The following FOXP2 variants were observed in gnomAD, a reference collection of about 807,000 sequenced individuals.
FOXP2 encodes forkhead box P2, also known as forkhead box protein P2.
FOXP2 carries 12 observed loss-of-function variants against 115.8 expected under a neutral mutation model. The ratio of observed to expected loss-of-function variants is 0.10; its 90% CI spans 0.07 to 0.17. FOXP2 has a LOEUF of 0.17. Among genes scored for constraint, FOXP2 ranks in the 10% least tolerant of loss-of-function variants. The probability of loss-of-function intolerance (pLI) is 1.00; values close to 1 mark genes in which losing one functional copy is unlikely to be tolerated. For synonymous variants in FOXP2, 328 were observed against 297.7 expected (o/e 1.10, Z -1.05); for missense variants, 629 against 843.5 (o/e 0.75, Z 3.15).
intron 2 of FOXP2, among the ~76,000 whole-genome samples, chr7:114,526,754 C>T (rs567821931): frequency 4.6e-5 from 7 of 152,152 alleles, no homozygotes; most frequent in Admixed American, 1.3e-4. Context: ...ATCATTCATC[C>T]TGTCCTCTCA....
At chr7:114,638,838 TA>T (rs549771953) in intron 6 of FOXP2, among the ~76,000 whole-genome samples, 407 of 152,316 alleles carry the variant, frequency 2.7e-3, no homozygotes, top group Non-Finnish European at 4.3e-3. Flanking sequence ...TGACTTCTTT[TA>T]TTCTCTGCCT....
chr7:114,511,626 C>T (rs1384345247), intron 2 of FOXP2, among the ~76,000 whole-genome samples: 1 of 151,984 alleles, frequency 6.6e-6, no homozygotes, highest in Non-Finnish European at 1.5e-5. Context: ...GAGGTAATGG[C>T]TAGACAGTTA....
intron 1 of FOXP2, among the ~76,000 whole-genome samples, chr7:114,152,464 TA>T (rs750301208): frequency 2.6e-5 from 4 of 152,170 alleles, no homozygotes; most frequent in Non-Finnish European, 5.9e-5. Context: ...CTGTTGCAAA[TA>T]AATCTCTTTT....
At chr7:114,132,404 G>A (rs1211217961) in intron 1 of FOXP2, among the ~76,000 whole-genome samples, 3 of 151,768 alleles carry the variant, frequency 2.0e-5, no homozygotes, top group African/African-American at 7.3e-5. Flanking sequence ...ATACAGCAGA[G>A]AACAAAACAT....
intron 2 of FOXP2, chr7:114,463,080 G>A (rs1168815369): frequency 7.0e-6 from 3 of 430,910 alleles, no homozygotes; most frequent in South Asian, 1.7e-5. Flanking sequence ...CCAGGCTGGA[G>A]TGCAGTGGTG....
chr7:114,448,197 C>T (rs1456225029), intron 2 of FOXP2, among the ~76,000 whole-genome samples: 1 of 152,008 alleles, frequency 6.6e-6, no homozygotes, highest in African/African-American at 2.4e-5. Context: ...GAAACGCAGT[C>T]TCTAGCAAAT....
chr7:114,550,152 C>G (rs890156025), intron 3 of FOXP2, among the ~76,000 whole-genome samples: 3 of 130,378 alleles, frequency 2.3e-5, no homozygotes, highest in Non-Finnish European at 4.6e-5. Context: ...GAGTCTCGCT[C>G]TGTCGCCCAG....
chr7:114,147,520 G>A (rs1792408400), intron 1 of FOXP2, among the ~76,000 whole-genome samples: 1 of 152,092 alleles, frequency 6.6e-6, no homozygotes, highest in Admixed American at 6.6e-5. Flanking sequence ...CTTAGGCTGG[G>A]TATACCCAGA....
In FOXP2 at chr7:114,644,606, C is replaced by T. The variant is rs747854322; in HGVS notation, c.990-79C>T. ...CTGTTTTGACCTGTTTGTCACTGATCGTAACCTGACAGGCGCTAGCAGCCT... is the reference window on the plus strand; with the variant it reads ...CTGTTTTGACCTGTTTGTCACTGATTGTAACCTGACAGGCGCTAGCAGCCT... On this transcript the variant is annotated intron_variant, in intron 7 of 16. Coordinates refer to ENST00000350908, the MANE Select transcript of FOXP2 (RefSeq NM_014491.4). 1.7e-5 allele frequency: 21 copies of T among 1,205,508 alleles called. No individual in the cohort carries two copies. The East Asian group carries it at 2.6e-4, about 15-fold the overall frequency. The allele number at this position is 1,205,508 out of a possible 1,614,324, so 74.7% of individuals were successfully genotyped here.
intron 1 of FOXP2, among the ~76,000 whole-genome samples, chr7:114,269,623 T>C (rs1795986362): frequency 6.6e-6 from 1 of 152,114 alleles, no homozygotes; most frequent in African/African-American, 2.4e-5. Context: ...AATAACATGA[T>C]TCTGTTTTGC....
upstream of FOXP2, among the ~76,000 whole-genome samples, chr7:114,409,385 A>T (rs1793111994): frequency 6.6e-6 from 1 of 152,158 alleles, no homozygotes; most frequent in Non-Finnish European, 1.5e-5. Context: ...ACAAGAACTT[A>T]ACTACAGATA....
chr7:114,557,248 T>G (rs777844851), intron 3 of FOXP2, among the ~76,000 whole-genome samples: 1 of 152,190 alleles, frequency 6.6e-6, no homozygotes, highest in Non-Finnish European at 1.5e-5. Context: ...GAAGCTGGTT[T>G]AATATGTTGT....
chr7:114,092,325 T>G (rs920410849), intron 1 of FOXP2, among the ~76,000 whole-genome samples: 1 of 152,048 alleles, frequency 6.6e-6, no homozygotes, highest in African/African-American at 2.4e-5. Flanking sequence ...TTTTTTTTTC[T>G]TTTTTAGCAG....
At chr7:114,635,833 AAG>A (rs1189872387) in intron 6 of FOXP2, among the ~76,000 whole-genome samples, 4 of 152,174 alleles carry the variant, frequency 2.6e-5, no homozygotes, top group African/African-American at 4.8e-5. Context: ...TGATGAGAAA[AAG>A]GAAACATCAT....
At chr7:114,389,238 T>C (rs569225884) in intron 2 of FOXP2, among the ~76,000 whole-genome samples, 1 of 152,316 alleles carries the variant, frequency 6.6e-6, no homozygotes, top group Admixed American at 6.5e-5. Context: ...TTTTATAGCA[T>C]ACCAAGACAA....
chr7:114,470,324 A>G (rs1795990459), intron 2 of FOXP2, among the ~76,000 whole-genome samples: 2 of 152,148 alleles, frequency 1.3e-5, no homozygotes. Context: ...AACACATACC[A>G]TGCTAGTTCC....
chr7:114,154,538 CT>C (rs1792611524), intron 1 of FOXP2, among the ~76,000 whole-genome samples: 1 of 152,002 alleles, frequency 6.6e-6, no homozygotes, highest in Non-Finnish European at 1.5e-5. Flanking sequence ...TTTTGATACC[CT>C]TATTTGACTC....
Position 114,664,417 on chromosome 7 carries a change from T to C in FOXP2, c.1984T>C (p.Cys662Arg). ...IDSNGNSSPG[C>R]SPQPHIHSIH... ...CAGCAATGGAAACAGTAGTCCGGGC[T>C]GCTCACCTCAGCCGCACATGTAAGT... is the stretch of plus-strand genomic sequence containing the variant. Residue 662 changes from cysteine to arginine, a missense_variant, in exon 16 of 17, where the codon TGC becomes CGC. This residue lies in a region of FOXP2 where 117 missense variants were observed against 112.3 expected (regional missense o/e 1.04). Transcript: ENST00000350908. 6.2e-7 allele frequency: 1 copy of C among 1,613,516 alleles called. No individual in the cohort carries two copies. The highest frequency in any genetic ancestry group is 8.5e-7 in the Non-Finnish European group (1 of 1,179,642).
At chr7:114,373,119 A>C (rs1295203920) in intron 2 of FOXP2, among the ~76,000 whole-genome samples, 2 of 151,906 alleles carry the variant, frequency 1.3e-5, no homozygotes, top group African/African-American at 4.8e-5. Flanking sequence ...CAGCCTCCTG[A>C]GTAGCTGGGA....
Sources: allele counts gnomAD v4.1 joint callset (sites outside exome capture counted in the v4.1 genomes callset), GRCh38; gene constraint gnomAD v4.1.1; regional missense constraint gnomAD v4.1.1; transcripts MANE v1.5; gene names NCBI Gene and HGNC (gene_info 2026-07-23, HGNC 2026-07-21).